Variants in RBMS3 observed in about 807,000 individuals in gnomAD.
RBMS3 encodes the protein RNA-binding motif, single-stranded-interacting protein 3.
A neutral mutation model predicts 66.8 loss-of-function variants in RBMS3; 27 were observed. The observed-to-expected ratio is 0.40, with a 90% CI of 0.30 to 0.56. RBMS3 has a LOEUF of 0.56. Ranked by LOEUF, RBMS3 falls within the 20% of genes least tolerant of loss-of-function variation. The pLI is 0.40. For synonymous variants in RBMS3, 188 were observed against 183.0 expected, an observed-to-expected ratio of 1.03 and a Z score of -0.22; for missense variants, 513 against 549.5, an observed-to-expected ratio of 0.93 and a Z score of 0.66.
chr3:29,587,227 GTTTTTTTT>G (rs537893659), intron 4 of RBMS3, 22 bp downstream of exon 4: 3 of 213,454 alleles, frequency 1.4e-5, no homozygotes, highest in Admixed American at 1.5e-4. Context: ...GTTTAGGGGT[GTTTTTTTT>G]TTTTTTTTTT....
chr3:29,903,973 C>T (rs1476743366), intron 10 of RBMS3, among the ~76,000 whole-genome samples: 2 of 151,958 alleles, frequency 1.3e-5, no homozygotes, highest in African/African-American at 4.8e-5. Context: ...CCCCAGAATA[C>T]TTAATTTGGT....
At chr3:29,480,030 CTTTGTTGTGTCA>C (rs1362491523) in intron 2 of RBMS3, among the ~76,000 whole-genome samples, 2 of 152,126 alleles carry the variant, frequency 1.3e-5, no homozygotes, top group Non-Finnish European at 2.9e-5. Flanking sequence ...GTGAGTTGAA[CTTTGTTGTGTCA>C]TTTGAGATGA....
At chr3:30,000,898 A>G (rs79402373) in intron 14 of RBMS3, among the ~76,000 whole-genome samples, 16,396 of 151,842 alleles carry the variant, frequency 0.11, 1,625 homozygotes, top group African/African-American at 0.24. Flanking sequence ...GGAGTGGGGG[A>G]CTAAGGAAGG....
At chr3:29,363,868 A>AT (rs2037751021) in intron 1 of RBMS3, among the ~76,000 whole-genome samples, 1 of 151,970 alleles carries the variant, frequency 6.6e-6, no homozygotes, top group Non-Finnish European at 1.5e-5. Context: ...AATTGATAAA[A>AT]ATTTTTTTTT....
chr3:29,428,575 A>G (rs1201043121), intron 1 of RBMS3, among the ~76,000 whole-genome samples: 2 of 51,420 alleles, frequency 3.9e-5, no homozygotes, highest in Non-Finnish European at 6.8e-5. Context: ...CTTTCTGTTA[A>G]AAAAAAAAAA....
chr3:30,007,464 C>T lies in RBMS3; in HGVS notation c.*3602C>T, dbSNP rs1417772102. ...AACATCAGGAAACAAACTAAAGCCA[C>T]AATCCAAATGAGAGAAACACTGTCT... is the stretch of plus-strand genomic sequence containing the variant. On this transcript the variant is annotated 3_prime_UTR_variant, in exon 15 of 15. Transcript: ENST00000383767. The T allele has an allele frequency of 6.6e-6, 1 of 152,028 alleles. No homozygotes were observed. Among genetic ancestry groups the T allele is most frequent in the Non-Finnish European group, 1.5e-5 (1 of 67,958 alleles). The allele number at this position is 152,028 out of a possible 1,614,324, so 9.4% of individuals were successfully genotyped here. A position where few individuals can be genotyped will look rare whatever the true frequency, so the allele number is the denominator to read the frequency against.
intron 4 of RBMS3, among the ~76,000 whole-genome samples, chr3:29,684,473 A>G (rs951697901): frequency 6.6e-6 from 1 of 152,218 alleles, no homozygotes; most frequent in Non-Finnish European, 1.5e-5. Context: ...GGAATCAATT[A>G]AAACCAACTG....
intron 2 of RBMS3, among the ~76,000 whole-genome samples, chr3:29,456,296 A>G (rs1456955378): frequency 6.6e-6 from 1 of 152,184 alleles, no homozygotes; most frequent in East Asian, 1.9e-4. Flanking sequence ...GAAAATTTTA[A>G]AACATGTGTT....
At chr3:29,932,528 C>T (rs1377955384) in intron 10 of RBMS3, among the ~76,000 whole-genome samples, 1 of 152,098 alleles carries the variant, frequency 6.6e-6, no homozygotes, top group Non-Finnish European at 1.5e-5. Flanking sequence ...ATCCACAAAC[C>T]ATAGTTGGGG....
chr3:29,994,583 G>A (rs1221560801), intron 14 of RBMS3, among the ~76,000 whole-genome samples: 2 of 152,248 alleles, frequency 1.3e-5, no homozygotes, highest in African/African-American at 4.8e-5. Flanking sequence ...CTGGAGATCT[G>A]AGAATGGGCA....
At chr3:29,518,768 G>C (rs1285626377) in intron 3 of RBMS3, among the ~76,000 whole-genome samples, 1 of 152,260 alleles carries the variant, frequency 6.6e-6, no homozygotes, top group South Asian at 2.1e-4. Context: ...TTAATATGTA[G>C]CAGAGATGAC....
At chr3:29,327,917 G>A (rs1235509747) in intron 1 of RBMS3, among the ~76,000 whole-genome samples, 1 of 152,190 alleles carries the variant, frequency 6.6e-6, no homozygotes, top group Non-Finnish European at 1.5e-5. Flanking sequence ...ATTTTTTGAG[G>A]ATGAAATAAA....
intron 1 of RBMS3, among the ~76,000 whole-genome samples, chr3:29,426,333 A>G (rs1357894620): frequency 6.6e-6 from 1 of 152,230 alleles, no homozygotes; most frequent in Non-Finnish European, 1.5e-5. Flanking sequence ...TTATAAATTT[A>G]TTAATCAAAT....
At chr3:29,548,568 G>A (rs1345538702) in intron 3 of RBMS3, among the ~76,000 whole-genome samples, 1 of 151,696 alleles carries the variant, frequency 6.6e-6, no homozygotes, top group Non-Finnish European at 1.5e-5. Context: ...AAACCAAAAT[G>A]ACAAATAAGA....
chr3:29,548,880 G>A (rs1048649804), intron 3 of RBMS3, among the ~76,000 whole-genome samples: 7 of 151,258 alleles, frequency 4.6e-5, no homozygotes, highest in African/African-American at 1.7e-4. Flanking sequence ...GAGAATTTTG[G>A]CCAATAATTG....
intron 3 of RBMS3, among the ~76,000 whole-genome samples, chr3:29,509,085 T>C (rs1198415178): frequency 6.6e-6 from 1 of 151,912 alleles, no homozygotes; most frequent in East Asian, 1.9e-4. Flanking sequence ...TCTTTGTAGA[T>C]TCTAGATATT....
chr3:29,959,475 C>T (rs1001510219), intron 12 of RBMS3, among the ~76,000 whole-genome samples: 3 of 152,076 alleles, frequency 2.0e-5, no homozygotes, highest in Non-Finnish European at 4.4e-5. Flanking sequence ...AAAAAGCCTC[C>T]AGGTGACTCT....
At chr3:29,928,299 T>A (rs984938982) in intron 10 of RBMS3, among the ~76,000 whole-genome samples, 3 of 149,786 alleles carry the variant, frequency 2.0e-5, no homozygotes, top group African/African-American at 7.3e-5. Flanking sequence ...TAGGAACTAA[T>A]CTCAATATTT....
At chr3:30,002,547 A>AT (rs1699659327) in intron 14 of RBMS3, among the ~76,000 whole-genome samples, 1 of 151,810 alleles carries the variant, frequency 6.6e-6, no homozygotes, top group Admixed American at 6.6e-5. Flanking sequence ...CACTAATAAA[A>AT]TTTTTTCTTA....
Sources: allele counts gnomAD v4.1 joint callset (sites outside exome capture counted in the v4.1 genomes callset), GRCh38; gene constraint gnomAD v4.1.1; transcripts MANE v1.5; gene names NCBI Gene and HGNC (gene_info 2026-07-23, HGNC 2026-07-21).